The following ANKS1A variants were observed in gnomAD, a reference collection of about 807,000 sequenced individuals.
ANKS1A encodes ankyrin repeat and sterile alpha motif domain containing 1A.
In ANKS1A, 55 loss-of-function variants were observed where a neutral mutation model predicts 120.3. That is an observed-to-expected ratio of 0.46 (90% CI 0.37 to 0.57). The LOEUF (loss-of-function observed/expected upper bound fraction) is 0.57. Among genes scored for constraint, ANKS1A ranks in the 20% least tolerant of loss-of-function variants. The probability of loss-of-function intolerance (pLI) is 0.00; values close to 1 mark genes in which losing one functional copy is unlikely to be tolerated. For missense variants in ANKS1A, 1,123 were observed against 1,480.3 expected (o/e 0.76, Z 3.96); for synonymous variants, 590 against 604.7 (o/e 0.98, Z 0.36).
At chr6:35,078,697 C>T (rs1472732677) in intron 14 of ANKS1A, 41 bp downstream of exon 14, 1 of 1,572,604 alleles carries the variant, frequency 6.4e-7, no homozygotes, top group South Asian at 1.1e-5. Context: ...CGTGCGGAGC[C>T]AGGGCCACCT....
intron 2 of ANKS1A, among the ~76,000 whole-genome samples, chr6:34,968,291 C>T (rs2127509773): frequency 6.6e-6 from 1 of 152,226 alleles, no homozygotes; most frequent in African/African-American, 2.4e-5. Context: ...TTTCAGGTTG[C>T]CCAGCAAAGG....
chr6:35,026,006 C>T (rs1195837136), intron 11 of ANKS1A, among the ~76,000 whole-genome samples: 2 of 152,146 alleles, frequency 1.3e-5, no homozygotes, highest in South Asian at 2.1e-4. Flanking sequence ...TTTTCCTTTT[C>T]TCCCTTTTTT....
intron 1 of ANKS1A, among the ~76,000 whole-genome samples, chr6:34,925,209 C>G (rs941314154): frequency 6.6e-6 from 1 of 151,954 alleles, no homozygotes; most frequent in Non-Finnish European, 1.5e-5. Context: ...CTTTCCTGTC[C>G]TCTGTAAATG....
intron 14 of ANKS1A, 114 bp downstream of exon 14, chr6:35,078,770 C>A: frequency 1.0e-6 from 1 of 1,003,462 alleles, no homozygotes; most frequent in Non-Finnish European, 1.5e-6. Context: ...CACATCATAG[C>A]AGGACCTCTA....
Position 34,982,970 on chromosome 6 carries a change from G to C in ANKS1A, c.808+143G>C. 8.0e-7 allele frequency: 1 copy of C among 1,249,340 alleles called. No homozygotes were observed. Among genetic ancestry groups the C allele is most frequent in the Admixed American group, 1.8e-5 (1 of 57,046 alleles). 77.4% of individuals were successfully genotyped at this position (1,249,340 alleles called of 1,614,324 possible). ...CTGGTTGATTACAAGTGTGTAAACT[G>C]TTCTTGAATAGCTGGATTAAATGGC... On this transcript the variant is annotated intron_variant, in intron 5 of 23. Coordinates refer to ENST00000360359, the MANE Select transcript of ANKS1A (RefSeq NM_015245.3). This position sits in a 1 kb window ranked among gnomAD's most constrained non-coding sequence, Gnocchi z 4.9.
chr6:35,071,910 G>A (rs1051168609), intron 13 of ANKS1A, among the ~76,000 whole-genome samples: 8 of 152,204 alleles, frequency 5.3e-5, no homozygotes, highest in African/African-American at 1.7e-4. Context: ...GGCCCAGGCC[G>A]GCCCCTCCCC....
chr6:35,074,432 T>A (rs1216123143), intron 13 of ANKS1A, among the ~76,000 whole-genome samples: 2 of 150,220 alleles, frequency 1.3e-5, no homozygotes, highest in Non-Finnish European at 3.0e-5. Context: ...AGACCCCATC[T>A]CTACAAAAAA....
chr6:34,936,019 G>A (rs1230758133), intron 1 of ANKS1A, among the ~76,000 whole-genome samples: 2 of 125,680 alleles, frequency 1.6e-5, no homozygotes, highest in Non-Finnish European at 1.6e-5. Flanking sequence ...CCGAGATCCC[G>A]CCACTGCACT....
chr6:35,093,273 G>A (rs934004975), downstream of ANKS1A, among the ~76,000 whole-genome samples: 6 of 152,116 alleles, frequency 3.9e-5, no homozygotes, highest in East Asian at 9.6e-4. Context: ...AAATGGAGCT[G>A]GGACAATTGG....
At chr6:34,928,739 G>T (rs557828559) in intron 1 of ANKS1A, among the ~76,000 whole-genome samples, 2 of 152,208 alleles carry the variant, frequency 1.3e-5, no homozygotes, top group Non-Finnish European at 2.9e-5. Context: ...TTGAATCCTG[G>T]CAGGGGATTC....
chr6:35,017,748 G>A lies in ANKS1A; in HGVS notation c.1699G>A (p.Gly567Ser). 6.2e-7 allele frequency: 1 copy of A among 1,614,058 alleles called. No individual in the cohort carries two copies. The highest frequency in any genetic ancestry group is 8.5e-7 in the Non-Finnish European group (1 of 1,180,028). Residue 567 changes from glycine (G) to serine (S), a missense_variant, in exon 11 of 24, where the codon GGC becomes AGC. By Grantham distance (56) the Gly-to-Ser change is moderately conservative. Coordinates refer to ENST00000360359, the MANE Select transcript of ANKS1A (RefSeq NM_015245.3). The stretch of plus-strand genomic sequence containing the variant: ...TGCCCTGGACCAGAGCAAGAGAGTG[G>A]GCTACCTCACAGGCCTGCCCACCAC... ...PSALDQSKRVGYLTGLPTTNS... is the reference protein window; with the variant it reads ...PSALDQSKRVSYLTGLPTTNS...
chr6:35,017,483 G>GAGC lies in ANKS1A; in HGVS notation c.1444_1446dup (p.Ser482dup). ...TCCGTCCACTCCAAGACCACAGGCG[G>GAGC]AGCAGCAGCAGCCGGAGCCAGGACT... is the stretch of plus-strand genomic sequence containing the variant. On this transcript the variant is annotated inframe_insertion, in exon 11 of 24. Transcript: ENST00000360359. 6.2e-7 allele frequency: 1 copy of GAGC among 1,604,440 alleles called. No homozygotes were observed. The highest frequency in any genetic ancestry group is 2.2e-5 in the East Asian group (1 of 44,646).
At chr6:34,969,399 T>C (rs1771068725) in intron 2 of ANKS1A, among the ~76,000 whole-genome samples, 1 of 152,286 alleles carries the variant, frequency 6.6e-6, no homozygotes, top group South Asian at 2.1e-4. Flanking sequence ...GAATTATAGG[T>C]GCCCACCACC....
chr6:34,948,371 A>G (rs1478257854), intron 1 of ANKS1A, among the ~76,000 whole-genome samples: 1 of 152,244 alleles, frequency 6.6e-6, no homozygotes, highest in East Asian at 1.9e-4. Context: ...AGGACTGAAT[A>G]TAACTTTTAG....
At position 35,085,865 on chromosome 6, in the gene ANKS1A, G is replaced by A; in HGVS notation, c.3232G>A (p.Ala1078Thr). ...AQKSRATGAS[A>T]AEMIETKSSK... ...GAAGTCCAGGGCGACGGGCGCCTCT[G>A]CAGCTGAGATGATTGAAACAAAATC... is the stretch of plus-strand genomic sequence containing the variant. Residue 1078 changes from alanine to threonine, a missense_variant, in exon 22 of 24, where the codon GCA (alanine) becomes ACA (threonine). This residue lies in a region of ANKS1A where 904 missense variants were observed against 1,130.4 expected (regional missense o/e 0.80). Coordinates refer to ENST00000360359, the MANE Select transcript of ANKS1A (RefSeq NM_015245.3). This position sits in a 1 kb window ranked among gnomAD's most constrained non-coding sequence, Gnocchi z 4.7. 2 of 1,613,812 alleles carry A rather than the reference G, an allele frequency of 1.2e-6. No individual in the cohort carries two copies. The highest frequency in any genetic ancestry group is 1.1e-5 in the South Asian group (1 of 91,052).
At chr6:35,068,336 A>C (rs1294257597) in intron 13 of ANKS1A, among the ~76,000 whole-genome samples, 24 of 152,212 alleles carry the variant, frequency 1.6e-4, no homozygotes, top group Admixed American at 1.6e-3. Context: ...ACGGTGAACC[A>C]GCCTGTGCCT....
intron 1 of ANKS1A, among the ~76,000 whole-genome samples, chr6:34,941,519 C>T (rs543567814): frequency 2.8e-4 from 42 of 152,212 alleles, no homozygotes; most frequent in Middle Eastern, 3.4e-3. Flanking sequence ...CCTCCCACCT[C>T]GGCCTCACAA....
At chr6:34,901,327 G>A (rs765481497) in intron 1 of ANKS1A, among the ~76,000 whole-genome samples, 7 of 151,876 alleles carry the variant, frequency 4.6e-5, no homozygotes, top group Non-Finnish European at 1.0e-4. Context: ...AGTATTATCT[G>A]GCTGGTTCAA....
chr6:35,085,707 T>G lies in ANKS1A; in HGVS notation c.3133-59T>G. Reference sequence around the variant, plus strand: ...CACATGGTCCCTGCGAGGAAGGGCATATCCAGTGTGAAGCGGCTCCTGAAC... The same window carrying G: ...CACATGGTCCCTGCGAGGAAGGGCAGATCCAGTGTGAAGCGGCTCCTGAAC... On this transcript the variant is annotated intron_variant, in intron 21 of 23. Transcript: ENST00000360359. The surrounding 1 kb of genome is among the most constrained non-coding windows in gnomAD (Gnocchi z 4.7). 1.3e-6 allele frequency: 2 copies of G among 1,516,026 alleles called. No homozygotes were observed. Among genetic ancestry groups the G allele is most frequent in the Non-Finnish European group, 1.8e-6 (2 of 1,129,312 alleles). 93.9% of individuals were successfully genotyped at this position (1,516,026 alleles called of 1,614,324 possible).
Sources: allele counts gnomAD v4.1 joint callset (sites outside exome capture counted in the v4.1 genomes callset), GRCh38; gene constraint gnomAD v4.1.1; regional missense constraint gnomAD v4.1.1; non-coding constraint Gnocchi (gnomAD v3.1); transcripts MANE v1.5; gene names NCBI Gene and HGNC (gene_info 2026-07-23, HGNC 2026-07-21).